The following MYBL2 variants were observed in gnomAD, a reference collection of about 807,000 sequenced individuals.
MYBL2 encodes myb-related protein B.
MYBL2 carries 28 observed loss-of-function variants against 79.9 expected under a neutral mutation model. The ratio of observed to expected loss-of-function variants is 0.35; its 90% CI spans 0.26 to 0.48. The LOEUF (loss-of-function observed/expected upper bound fraction) is 0.48, where lower values mean the gene tolerates loss of function less well. Ranked by LOEUF, MYBL2 falls within the 20% of genes least tolerant of loss-of-function variation. MYBL2 has a pLI of 0.99. For missense variants in MYBL2, 735 were observed against 893.9 expected (o/e 0.82, Z 2.27); for synonymous variants, 378 against 361.2 (o/e 1.05, Z -0.53).
At chr20:43,672,610 CAT>C (rs1408052632) in intron 1 of MYBL2, among the ~76,000 whole-genome samples, 1 of 152,068 alleles carries the variant, frequency 6.6e-6, no homozygotes. Context: ...GGCATAGTGT[CAT>C]ATGCAAGTTG....
At chr20:43,691,750 G>C (rs1332265729) in intron 5 of MYBL2, among the ~76,000 whole-genome samples, 1 of 151,834 alleles carries the variant, frequency 6.6e-6, no homozygotes, top group African/African-American at 2.4e-5. Context: ...TGTTGGTCAG[G>C]CTGGTCTCGA....
chr20:43,713,005 C>T lies in MYBL2; in HGVS notation c.1723C>T (p.Arg575Trp), dbSNP rs770937820. 9.3e-6 allele frequency: 15 copies of T among 1,608,896 alleles called. No homozygotes were observed. In the African/African-American group the frequency reaches 1.2e-4, roughly 13 times the overall value. ...CCTTCTATCTGCCAACCCCTAGCTG[C>T]GGCGGAGCCCCATCAAGAAAGTCCG... ...PEKQKRKPGL[R>W]RSPIKKVRKS... is the part of the protein sequence containing the mutation. Residue 575 changes from arginine to tryptophan, a missense_variant, in exon 12 of 14, where the codon CGG (arginine) becomes TGG (tryptophan). This residue lies in a region of MYBL2 where 204 missense variants were observed against 202.9 expected (regional missense o/e 1.01). Transcript: ENST00000217026.
chr20:43,672,182 G>T (rs1293063561), intron 1 of MYBL2, among the ~76,000 whole-genome samples: 3 of 7,052 alleles, frequency 4.3e-4, no homozygotes, highest in Non-Finnish European at 1.8e-3. Context: ...CTTCACTCTA[G>T]CCTGGGTGAC....
chr20:43,679,488 G>C (rs1218249194), intron 2 of MYBL2, among the ~76,000 whole-genome samples: 1 of 152,130 alleles, frequency 6.6e-6, no homozygotes, highest in Non-Finnish European at 1.5e-5. Context: ...TGGAAACGAG[G>C]CTGAGTGTGG....
In MYBL2 at chr20:43,699,565, A is replaced by G. The variant is rs558390053; in HGVS notation, c.664-192A>G. On this transcript the variant is annotated intron_variant, in intron 6 of 13. Coordinates refer to ENST00000217026, the MANE Select transcript of MYBL2 (RefSeq NM_002466.4). ...TTGCATTTAGTTGTCCTATCCCTTT[A>G]GTCAGCCTTTCTTAGTGTCATGATG... 2.0e-5 allele frequency among the ~76,000 whole-genome samples: 3 copies of G among 152,292 alleles called. No individual in the cohort carries two copies. The South Asian group carries it at 6.2e-4, about 32-fold the overall frequency.
chr20:43,677,274 G>C (rs73907891), intron 2 of MYBL2, among the ~76,000 whole-genome samples: 1,663 of 152,296 alleles, frequency 0.011, 22 homozygotes, highest in African/African-American at 0.03. Flanking sequence ...CCTGGAATGT[G>C]CTGTGGTCAT....
At chr20:43,710,819 C>G (rs1568880037) in intron 10 of MYBL2, among the ~76,000 whole-genome samples, 1 of 152,182 alleles carries the variant, frequency 6.6e-6, no homozygotes, top group Non-Finnish European at 1.5e-5. Context: ...AGGTGAGGCA[C>G]TAGTTAGTGC....
chr20:43,706,616 C>A (rs930855619), intron 9 of MYBL2, among the ~76,000 whole-genome samples: 7 of 151,346 alleles, frequency 4.6e-5, no homozygotes, highest in Non-Finnish European at 5.9e-5. Flanking sequence ...ACTTGTAATC[C>A]CAGCGCTTGG....
intron 4 of MYBL2, among the ~76,000 whole-genome samples, chr20:43,685,099 A>G (rs553712143): frequency 1.3e-5 from 2 of 150,648 alleles, no homozygotes; most frequent in South Asian, 4.2e-4. Context: ...GTGAGCCGAG[A>G]TGGCGCCATT....
At chr20:43,668,813 G>A (rs1178393998) in intron 1 of MYBL2, among the ~76,000 whole-genome samples, 1 of 151,968 alleles carries the variant, frequency 6.6e-6, no homozygotes, top group Non-Finnish European at 1.5e-5. Flanking sequence ...TCAGCCCGCT[G>A]GGACTGCAGG....
chr20:43,700,033 T>C lies in MYBL2; in HGVS notation c.940T>C (p.Leu314=), dbSNP rs749357512. The C allele has an allele frequency of 3.1e-6, 5 of 1,613,714 alleles. No individual in the cohort carries two copies. The highest frequency in any genetic ancestry group is 4.2e-6 in the Non-Finnish European group (5 of 1,179,906). The change falls in exon 7 of 14, where the codon TTG becomes CTG. Residue 314 remains leucine (L), a synonymous_variant. Coordinates refer to ENST00000217026, the MANE Select transcript of MYBL2 (RefSeq NM_002466.4). ...TTCTAGCCTCTCTGAAGCCCTGGAC[T>C]TGATCGAGTCGGTATGTTGGTCACA... ...VGSSLSEALD[L]IESDPDAWCD...
chr20:43,691,766 C>T (rs554270731), intron 5 of MYBL2, among the ~76,000 whole-genome samples: 17 of 151,852 alleles, frequency 1.1e-4, no homozygotes, highest in African/African-American at 3.1e-4. Flanking sequence ...CTCGAACTCC[C>T]GATCTCAGGT....
intron 7 of MYBL2, 39 bp downstream of exon 7, chr20:43,700,083 C>A (rs1166181197): frequency 2.5e-6 from 4 of 1,593,628 alleles, no homozygotes; most frequent in Non-Finnish European, 3.4e-6. Flanking sequence ...GCACAGAACA[C>A]CCCCAGCAGG....
chr20:43,674,567 G>A (rs1218828926), intron 2 of MYBL2, among the ~76,000 whole-genome samples: 1 of 144,550 alleles, frequency 6.9e-6, no homozygotes, highest in Non-Finnish European at 1.5e-5. Flanking sequence ...TTTTTTTTTT[G>A]TATTTTTAGT....
intron 5 of MYBL2, among the ~76,000 whole-genome samples, chr20:43,687,415 G>C (rs1394334336): frequency 1.3e-5 from 2 of 152,180 alleles, no homozygotes; most frequent in African/African-American, 4.8e-5. Flanking sequence ...GAATAGGCTT[G>C]AGATGTGGGA....
chr20:43,681,137 T>C (rs2145713236), intron 2 of MYBL2, among the ~76,000 whole-genome samples: 1 of 152,270 alleles, frequency 6.6e-6, no homozygotes, highest in South Asian at 2.1e-4. Flanking sequence ...GGGAGGCTAT[T>C]TTGATAGATA....
chr20:43,668,690 T>G (rs1308728710), intron 1 of MYBL2, among the ~76,000 whole-genome samples: 1 of 149,828 alleles, frequency 6.7e-6, no homozygotes, highest in Non-Finnish European at 1.5e-5. Flanking sequence ...CCCTGGTTTT[T>G]TTTTTTTTTT....
chr20:43,667,261 G>A lies in MYBL2; in HGVS notation c.-23G>A, dbSNP rs1330010097. On this transcript the variant is annotated 5_prime_UTR_variant, in exon 1 of 14. Transcript: ENST00000217026. ...GGGCTCTGCCGGCGGGCGGGCGAGC[G>A]CGGCGCGGTCCGGGCCGGGGGGATG... is the stretch of plus-strand genomic sequence containing the variant. 2 of 1,220,536 alleles carry A rather than the reference G, an allele frequency of 1.6e-6. No individual in the cohort carries two copies. The highest frequency in any genetic ancestry group is 4.1e-5 in the South Asian group (1 of 24,226). The allele number at this position is 1,220,536 out of a possible 1,614,324, so 75.6% of individuals were successfully genotyped here.
chr20:43,701,060 C>T (rs1207479892), intron 7 of MYBL2, among the ~76,000 whole-genome samples: 3 of 152,182 alleles, frequency 2.0e-5, no homozygotes, highest in East Asian at 3.9e-4. Flanking sequence ...GTAGTGGACT[C>T]ATCAACAGTG....
Sources: gnomAD v4.1 joint callset for allele counts (sites outside exome capture counted in the v4.1 genomes callset) on GRCh38, gnomAD v4.1.1 for gene constraint, gnomAD v4.1.1 regional missense constraint, MANE v1.5 for transcripts, NCBI Gene and HGNC (gene_info 2026-07-23, HGNC 2026-07-21) for gene names.